Variants in COL23A1 observed in about 807,000 individuals in gnomAD.
COL23A1 encodes collagen alpha-1(XXIII) chain.
COL23A1 carries 97 observed loss-of-function variants against 99.3 expected under a neutral mutation model. The observed-to-expected ratio is 0.98, with a 90% CI of 0.83 to 1.16. The LOEUF (loss-of-function observed/expected upper bound fraction) is 1.16. Ranked by LOEUF, COL23A1 falls within the 50% of genes most tolerant of loss-of-function variation. The pLI is 0.00. For synonymous variants in COL23A1, 320 were observed against 308.2 expected, an observed-to-expected ratio of 1.04 and a Z score of -0.40; for missense variants, 762 against 757.4, an observed-to-expected ratio of 1.01 and a Z score of -0.07.
chr5:178,408,975 TACACACACACACACACAC>T (rs61457266), intron 2 of COL23A1, among the ~76,000 whole-genome samples: 120 of 101,656 alleles, frequency 1.2e-3, no homozygotes, highest in African/African-American at 4.2e-3. Context: ...AAAAAAAAAA[TACACACACACACACACAC>T]ACACACACAC....
At chr5:178,405,828 C>T (rs952203907) in intron 2 of COL23A1, among the ~76,000 whole-genome samples, 5 of 152,284 alleles carry the variant, frequency 3.3e-5, no homozygotes, top group African/African-American at 7.2e-5. Context: ...CTAGGCTGGG[C>T]GCAGTGGCTC....
At chr5:178,392,668 C>T (rs551364699) in intron 2 of COL23A1, among the ~76,000 whole-genome samples, 33 of 152,318 alleles carry the variant, frequency 2.2e-4, no homozygotes, top group South Asian at 1.2e-3. Flanking sequence ...AGCCTAAATT[C>T]GGCTCCCAAA....
chr5:178,383,292 C>T (rs983369266), intron 2 of COL23A1, among the ~76,000 whole-genome samples: 1 of 152,200 alleles, frequency 6.6e-6, no homozygotes, highest in African/African-American at 2.4e-5. Context: ...GACCAGCTTC[C>T]CGCAGAGATG....
rs561394162 is a variant in COL23A1 at position 178,410,743 on chromosome 5, T to C, written c.362-103824A>G. Among the ~76,000 whole-genome samples the C allele has an allele frequency of 9.2e-5, 14 of 152,244 alleles. No individual in the cohort carries two copies. The South Asian group carries it at 2.7e-3, about 29-fold the overall frequency. ...TCTTAGATATGACACCCAAAATACA[T>C]GCAACGAAAGAAAAACCTTCATCAA... On this transcript the variant is annotated intron_variant, in intron 2 of 28. Coordinates refer to ENST00000390654, the MANE Select transcript of COL23A1 (RefSeq NM_173465.4).
intron 2 of COL23A1, among the ~76,000 whole-genome samples, chr5:178,522,846 C>CCCAGTCT (rs1412127019): frequency 6.6e-6 from 1 of 152,064 alleles, no homozygotes; most frequent in African/African-American, 2.4e-5. Context: ...CAAGTCTCCC[C>CCCAGTCT]CCAGTCTCTG....
At chr5:178,482,876 T>C (rs1395710326) in intron 2 of COL23A1, among the ~76,000 whole-genome samples, 1 of 151,788 alleles carries the variant, frequency 6.6e-6, no homozygotes, top group Non-Finnish European at 1.5e-5. Context: ...CACTCCTGCC[T>C]GGGCAACAGA....
chr5:178,244,604 G>A (rs181025924), intron 25 of COL23A1, among the ~76,000 whole-genome samples: 274 of 152,316 alleles, frequency 1.8e-3, no homozygotes, highest in Non-Finnish European at 3.0e-3. Flanking sequence ...TCGAGCTGCT[G>A]GCTTTACCTC....
At chr5:178,414,567 T>C (rs1384563497) in intron 2 of COL23A1, among the ~76,000 whole-genome samples, 1 of 151,504 alleles carries the variant, frequency 6.6e-6, no homozygotes, top group Non-Finnish European at 1.5e-5. Context: ...AGGTCAGGAG[T>C]TCGAGACCAG....
chr5:178,446,312 AAAT>A (rs1366432507), intron 2 of COL23A1, among the ~76,000 whole-genome samples: 2 of 152,052 alleles, frequency 1.3e-5, no homozygotes, highest in Non-Finnish European at 2.9e-5. Context: ...ACTACATGAA[AAAT>A]AATGTTATTC....
intron 2 of COL23A1, among the ~76,000 whole-genome samples, chr5:178,354,357 T>C (rs1261888395): frequency 6.6e-6 from 1 of 152,122 alleles, no homozygotes; most frequent in Non-Finnish European, 1.5e-5. Flanking sequence ...TACAGGCACA[T>C]GCCACCATGC....
intron 2 of COL23A1, among the ~76,000 whole-genome samples, chr5:178,432,213 C>T (rs78714451): frequency 0.04 from 6,146 of 152,230 alleles, 398 homozygotes; most frequent in African/African-American, 0.13. Context: ...GGAAAAAGTC[C>T]TCACATTTAT....
At chr5:178,524,010 C>T (rs1053679874) in intron 2 of COL23A1, among the ~76,000 whole-genome samples, 2 of 152,198 alleles carry the variant, frequency 1.3e-5, no homozygotes, top group Non-Finnish European at 2.9e-5. Flanking sequence ...CAGGAATGAG[C>T]GTCTGCGGGG....
rs565835471 is a variant in COL23A1, at chr5:178,341,317, ACCTTGGCTGGGGAAC to A, written c.362-34413_362-34399del. 3.9e-5 allele frequency among the ~76,000 whole-genome samples: 6 copies of A among 152,196 alleles called. No individual in the cohort carries two copies. The South Asian group carries it at 1.2e-3, about 32-fold the overall frequency. On this transcript the variant is annotated intron_variant, in intron 2 of 28. Transcript: ENST00000390654. ...TCAGGTCTTTACAAGGAGAATAAGA[ACCTTGGCTGGGGAAC>A]CCAAGATAGGTCGGTCAACACTTCC...
At chr5:178,369,918 G>A (rs1762709887) in intron 2 of COL23A1, among the ~76,000 whole-genome samples, 2 of 152,238 alleles carry the variant, frequency 1.3e-5, no homozygotes. Flanking sequence ...CCACGGGCCA[G>A]GATTTAAGAG....
intron 2 of COL23A1, among the ~76,000 whole-genome samples, chr5:178,476,667 T>C (rs1442032345): frequency 6.6e-6 from 1 of 152,260 alleles, no homozygotes; most frequent in East Asian, 1.9e-4. Flanking sequence ...AGCAGCATTC[T>C]GTGAACTCCA....
At chr5:178,372,210 G>A (rs755510946) in intron 2 of COL23A1, among the ~76,000 whole-genome samples, 131 of 152,264 alleles carry the variant, frequency 8.6e-4, no homozygotes, top group Non-Finnish European at 1.5e-3. Flanking sequence ...ACAGCGGGGC[G>A]TGCTGGGAGG....
intron 1 of COL23A1, among the ~76,000 whole-genome samples, chr5:178,580,219 T>A (rs556701720): frequency 4.6e-4 from 70 of 151,894 alleles, no homozygotes; most frequent in African/African-American, 1.6e-3. Flanking sequence ...TCCCAGCTAC[T>A]CCAGAGGCTG....
chr5:178,431,436 G>A (rs1281088863), intron 2 of COL23A1, among the ~76,000 whole-genome samples: 2 of 152,200 alleles, frequency 1.3e-5, no homozygotes, highest in East Asian at 3.9e-4. Flanking sequence ...ACCCGCGAAT[G>A]GTTCCTTCTG....
chr5:178,409,248 A>G (rs1484821440), intron 2 of COL23A1, among the ~76,000 whole-genome samples: 1 of 152,226 alleles, frequency 6.6e-6, no homozygotes, highest in Non-Finnish European at 1.5e-5. Flanking sequence ...TGAATGAACT[A>G]TTGATACATC....
Sources: gnomAD v4.1 joint callset for allele counts (sites outside exome capture counted in the v4.1 genomes callset) on GRCh38, gnomAD v4.1.1 for gene constraint, MANE v1.5 for transcripts, NCBI Gene and HGNC (gene_info 2026-07-23, HGNC 2026-07-21) for gene names.